Variants in ERI3 observed in about 807,000 individuals in gnomAD.
ERI3 encodes ERI1 exoribonuclease 3.
Under a neutral mutation model 44.4 loss-of-function variants are expected in ERI3, and 18 were observed. That is an observed-to-expected ratio of 0.41 (90% confidence interval 0.28 to 0.60). The LOEUF (loss-of-function observed/expected upper bound fraction) is 0.60, where lower values mean the gene tolerates loss of function less well. Ranked by LOEUF, ERI3 falls within the 20% of genes least tolerant of loss-of-function variation. The probability of loss-of-function intolerance (pLI) is 0.36; values close to 1 mark genes in which losing one functional copy is unlikely to be tolerated. For synonymous variants in ERI3, 183 were observed against 164.8 expected, an observed-to-expected ratio of 1.11 and a Z score of -0.84; for missense variants, 294 against 435.5, an observed-to-expected ratio of 0.68 and a Z score of 2.89.
intron 2 of ERI3, among the ~76,000 whole-genome samples, chr1:44,342,660 T>G (rs1250743769): frequency 6.7e-6 from 1 of 149,898 alleles, no homozygotes. Context: ...CTTGTTTTTT[T>G]TTTGAAGACA....
In ERI3 at chr1:44,327,666, C is replaced by T. The variant is rs147697210; in HGVS notation, c.490-7922G>A. 9.2e-5 allele frequency among the ~76,000 whole-genome samples: 14 copies of T among 152,310 alleles called. No homozygotes were observed. In the East Asian group the frequency reaches 2.7e-3, roughly 29 times the overall value. On this transcript the variant is annotated intron_variant, in intron 3 of 8. Coordinates refer to ENST00000372257, the MANE Select transcript of ERI3 (RefSeq NM_024066.3). ...CTATGCTTTTAACTACTATGCTCTA[C>T]TGATTCTCATCAGAACAGCGTCTAC...
intron 8 of ERI3, among the ~76,000 whole-genome samples, chr1:44,223,316 G>C (rs1258351097): frequency 2.6e-5 from 4 of 152,186 alleles, no homozygotes; most frequent in African/African-American, 9.7e-5. Flanking sequence ...TTTGGGGGTA[G>C]TGGGTGGAGG....
In ERI3 at chr1:44,221,265, A is replaced by C; in HGVS notation, c.*293T>G. 2.3e-6 allele frequency: 1 copy of C among 433,400 alleles called. No homozygotes were observed. The highest frequency in any genetic ancestry group is 4.2e-6 in the Non-Finnish European group (1 of 237,910). The allele number at this position is 433,400 out of a possible 1,614,324, so 26.8% of individuals were successfully genotyped here. A position where few individuals can be genotyped will look rare whatever the true frequency, so the allele number is the denominator to read the frequency against. ...CACAGAAGCCTGTGTACCAGGGAGG[A>C]GGCGGTGAGTGCCTGGGTCCCCCTA... On this transcript the variant is annotated 3_prime_UTR_variant, in exon 9 of 9. Transcript: ENST00000372257. The surrounding 1 kb of genome is among the most constrained non-coding windows in gnomAD (Gnocchi z 5.9).
At chr1:44,286,495 T>C (rs968552804) in intron 6 of ERI3, among the ~76,000 whole-genome samples, 1 of 152,138 alleles carries the variant, frequency 6.6e-6, no homozygotes, top group African/African-American at 2.4e-5. Context: ...ATTAATGTAA[T>C]CATTAACCTA....
intron 8 of ERI3, among the ~76,000 whole-genome samples, chr1:44,224,545 G>C (rs1471092851): frequency 1.3e-5 from 2 of 152,242 alleles, no homozygotes; most frequent in Non-Finnish European, 2.9e-5. Flanking sequence ...TGGCCTTGCT[G>C]TTATTGTGAG....
At chr1:44,259,162 T>A (rs943835162) in intron 7 of ERI3, among the ~76,000 whole-genome samples, 2 of 152,146 alleles carry the variant, frequency 1.3e-5, no homozygotes, top group Non-Finnish European at 2.9e-5. Context: ...TCAAAGGAAC[T>A]GTAATAAAGG....
At chr1:44,325,538 C>T (rs1470548378) in intron 3 of ERI3, among the ~76,000 whole-genome samples, 1 of 152,188 alleles carries the variant, frequency 6.6e-6, no homozygotes, top group Non-Finnish European at 1.5e-5. Context: ...CTCCCTCCAA[C>T]TGAAGTGTCT....
chr1:44,317,369 A>G (rs1052096715), intron 4 of ERI3, among the ~76,000 whole-genome samples: 2 of 152,208 alleles, frequency 1.3e-5, no homozygotes, highest in African/African-American at 4.8e-5. Flanking sequence ...TCCTGTGTCT[A>G]TGCCTCTCGG....
chr1:44,319,576 T>C (rs1231822415), intron 4 of ERI3, 52 bp downstream of exon 4: 2 of 1,314,490 alleles, frequency 1.5e-6, no homozygotes, highest in Non-Finnish European at 2.2e-6. Context: ...GCACCAAGGA[T>C]TCCAAAATTC....
intron 8 of ERI3, among the ~76,000 whole-genome samples, chr1:44,240,145 T>C (rs986187929): frequency 5.3e-5 from 8 of 152,156 alleles, no homozygotes; most frequent in African/African-American, 1.7e-4. Flanking sequence ...TTGAGCTACA[T>C]GGGCCTAGAG....
intron 7 of ERI3, among the ~76,000 whole-genome samples, chr1:44,265,616 A>G (rs1484117147): frequency 1.3e-5 from 2 of 152,210 alleles, no homozygotes; most frequent in Non-Finnish European, 2.9e-5. Flanking sequence ...GCCAAAAAGT[A>G]GAAACAACCC....
At chr1:44,246,548 T>C (rs1396763355) in intron 8 of ERI3, among the ~76,000 whole-genome samples, 2 of 152,252 alleles carry the variant, frequency 1.3e-5, no homozygotes, top group Non-Finnish European at 2.9e-5. Flanking sequence ...ACCCTTCAGA[T>C]GTCCCAACAA....
intron 3 of ERI3, among the ~76,000 whole-genome samples, chr1:44,333,075 C>G (rs1399980169): frequency 6.6e-6 from 1 of 152,204 alleles, no homozygotes; most frequent in East Asian, 1.9e-4. Flanking sequence ...ACTTACAGCT[C>G]ACACAGTCAT....
intron 8 of ERI3, among the ~76,000 whole-genome samples, chr1:44,226,557 A>G (rs540885309): frequency 6.6e-6 from 1 of 152,176 alleles, no homozygotes; most frequent in East Asian, 1.9e-4. Context: ...GATGGAGGTA[A>G]GAGAATTTTT....
intron 3 of ERI3, 128 bp downstream of exon 3, chr1:44,338,917 G>A (rs1572325711): frequency 8.6e-7 from 1 of 1,163,388 alleles, no homozygotes; most frequent in East Asian, 2.4e-5. Flanking sequence ...TTCCTAGACA[G>A]GAACTCTAAA....
chr1:44,281,579 C>A (rs1181716726), intron 7 of ERI3, among the ~76,000 whole-genome samples: 3 of 129,392 alleles, frequency 2.3e-5, no homozygotes, highest in African/African-American at 3.2e-5. Context: ...CAGAGTGAGA[C>A]CCCGTCTCGA....
intron 8 of ERI3, among the ~76,000 whole-genome samples, chr1:44,247,553 G>C (rs778123418): frequency 1.3e-5 from 2 of 152,188 alleles, no homozygotes; most frequent in Non-Finnish European, 2.9e-5. Flanking sequence ...GTCCAGTTTA[G>C]TGGCCACAGA....
At chr1:44,289,703 A>G (rs904771081) in intron 6 of ERI3, among the ~76,000 whole-genome samples, 5 of 152,222 alleles carry the variant, frequency 3.3e-5, no homozygotes, top group African/African-American at 1.2e-4. Context: ...GACAGCCCTG[A>G]TGGCAAACAG....
At chr1:44,259,256 A>T (rs1020216097) in intron 7 of ERI3, among the ~76,000 whole-genome samples, 1 of 152,136 alleles carries the variant, frequency 6.6e-6, no homozygotes, top group South Asian at 2.1e-4. Context: ...GAGAACAGGT[A>T]AGTAGAAGCT....
Sources: allele counts gnomAD v4.1 joint callset (sites outside exome capture counted in the v4.1 genomes callset), GRCh38; gene constraint gnomAD v4.1.1; non-coding constraint Gnocchi (gnomAD v3.1); transcripts MANE v1.5; gene names NCBI Gene and HGNC (gene_info 2026-07-23, HGNC 2026-07-21).